Variants in SURF2 observed in about 807,000 individuals in gnomAD.
SURF2 encodes the protein surfeit 2.
Under a neutral mutation model 26.2 loss-of-function variants are expected in SURF2, and 32 were observed. The ratio of observed to expected loss-of-function variants is 1.22; its 90% CI spans 0.92 to 1.64. The LOEUF (loss-of-function observed/expected upper bound fraction) is 1.64, where lower values mean the gene tolerates loss of function less well. SURF2 is among the 40% of genes most tolerant of loss of function. SURF2 has a pLI of 0.00. For missense variants in SURF2, 415 were observed against 341.6 expected (o/e 1.21, Z -1.69); for synonymous variants, 173 against 139.1 (o/e 1.24, Z -1.71).
chr9:133,357,009 C>T lies in SURF2; in HGVS notation c.174C>T (p.Ala58=). 1.3e-6 allele frequency: 2 copies of T among 1,570,286 alleles called. No individual in the cohort carries two copies. The highest frequency in any genetic ancestry group is 1.9e-5 in the Admixed American group (1 of 52,914). The change falls in exon 2 of 6, where the codon GCC becomes GCT. Residue 58 remains alanine, a synonymous_variant. Coordinates refer to ENST00000371964, the MANE Select transcript of SURF2 (RefSeq NM_017503.5). ...AAAAGTACCAGCGGCTGGTCCGCGCCTCCCCGGCCTTCGACTATGCAGAGT... is the reference window on the plus strand; with the variant it reads ...AAAAGTACCAGCGGCTGGTCCGCGCTTCCCCGGCCTTCGACTATGCAGAGT... ...RGKKYQRLVR[A]SPAFDYAEFE...
intron 4 of SURF2, 66 bp downstream of exon 4, chr9:133,360,195 G>C: frequency 6.3e-7 from 1 of 1,593,358 alleles, no homozygotes; most frequent in African/African-American, 1.3e-5. Flanking sequence ...CTGTGGTGCT[G>C]CCTCCCCTGC....
At chr9:133,357,157 T>G in intron 2 of SURF2, 89 bp downstream of exon 2, 14 of 1,385,874 alleles carry the variant, frequency 1.0e-5, no homozygotes, top group Non-Finnish European at 1.2e-5. Context: ...CCCTACTCTT[T>G]CAGAGTTGGG....
chr9:133,357,112 A>C, intron 2 of SURF2, 44 bp downstream of exon 2: 1 of 1,489,056 alleles, frequency 6.7e-7, no homozygotes, highest in Non-Finnish European at 9.0e-7. Context: ...GGCAATTAGG[A>C]CAGCCCCTCC....
intron 2 of SURF2, 169 bp downstream of exon 2, chr9:133,357,237 G>C: frequency 1.3e-6 from 1 of 780,502 alleles, no homozygotes; most frequent in Non-Finnish European, 1.9e-6. Flanking sequence ...GCCTCTTGGT[G>C]AGCTCGTTTG....
Position 133,357,077 on chromosome 9 carries a change from T to A in SURF2, c.233+9T>A, listed in dbSNP as rs2130032679. On this transcript the variant is annotated intron_variant, in intron 2 of 5. Coordinates refer to ENST00000371964, the MANE Select transcript of SURF2 (RefSeq NM_017503.5). ...CCCAGCACCAAGAACCCGTAGGTGG[T>A]CCGCGGCGGCGCGGGGAGGCCCAGG... 36 of 1,557,182 alleles carry A rather than the reference T, an allele frequency of 2.3e-5. No individual in the cohort carries two copies. Among genetic ancestry groups the A allele is most frequent in the Non-Finnish European group, 3.0e-5 (35 of 1,150,700 alleles).
At chr9:133,357,471 C>T (rs1564352646) in intron 2 of SURF2, among the ~76,000 whole-genome samples, 1 of 152,160 alleles carries the variant, frequency 6.6e-6, no homozygotes, top group Non-Finnish European at 1.5e-5. Flanking sequence ...TGCATGAACT[C>T]ATCCTGGAGC....
In SURF2 at chr9:133,357,082, G is replaced by T; in HGVS notation, c.233+14G>T. The T allele has an allele frequency of 1.3e-6, 2 of 1,548,778 alleles. No individual in the cohort carries two copies. Among genetic ancestry groups the T allele is most frequent in the Non-Finnish European group, 1.7e-6 (2 of 1,145,726 alleles). On this transcript the variant is annotated intron_variant, in intron 2 of 5. Transcript: ENST00000371964. Reference sequence around the variant, plus strand: ...CACCAAGAACCCGTAGGTGGTCCGCGGCGGCGCGGGGAGGCCCAGGGCAAT... The same window carrying T: ...CACCAAGAACCCGTAGGTGGTCCGCTGCGGCGCGGGGAGGCCCAGGGCAAT...
chr9:133,357,640 C>A, intron 2 of SURF2, 71 bp from the exon 3 acceptor site: 2 of 1,480,150 alleles, frequency 1.4e-6, no homozygotes, highest in Non-Finnish European at 9.4e-7. Context: ...AGGGATGAGT[C>A]CAAGACACAG....
Position 133,356,649 on chromosome 9 carries a change from G to C in SURF2, c.57G>C (p.Arg19=). The change falls in exon 1 of 6, where the codon CGG becomes CGC. Residue 19 remains arginine, a synonymous_variant. Coordinates refer to ENST00000371964, the MANE Select transcript of SURF2 (RefSeq NM_017503.5). ...RAFLREHPSL[R]LQTDARKVRC... ...TTCTGCGGGAGCACCCGAGCCTGCG[G>C]CTCCAGACGGACGCCCGCAAGGTTC... is the stretch of plus-strand genomic sequence containing the variant. 6.5e-7 allele frequency: 1 copy of C among 1,526,830 alleles called. No homozygotes were observed. The highest frequency in any genetic ancestry group is 8.7e-7 in the Non-Finnish European group (1 of 1,143,646). The allele number at this position is 1,526,830 out of a possible 1,614,324, so 94.6% of individuals were successfully genotyped here. A position where few individuals can be genotyped will look rare whatever the true frequency, so the allele number is the denominator to read the frequency against.
intron 3 of SURF2, among the ~76,000 whole-genome samples, chr9:133,358,303 A>C (rs1299021699): frequency 6.6e-6 from 1 of 152,012 alleles, no homozygotes; most frequent in East Asian, 1.9e-4. Context: ...GGCCAGGAGC[A>C]CTGCAGTGGG....
At position 133,357,765 on chromosome 9, in the gene SURF2, C is replaced by CG. The variant is rs1299434000; in HGVS notation, c.289dup (p.Val97GlyfsTer16). The CG allele has an allele frequency of 6.2e-7, 1 of 1,613,794 alleles. No individual in the cohort carries two copies. The highest frequency in any genetic ancestry group is 2.2e-5 in the East Asian group (1 of 44,888). On this transcript the variant is annotated frameshift_variant, in exon 3 of 6. Coordinates refer to ENST00000371964, the MANE Select transcript of SURF2 (RefSeq NM_017503.5). LOFTEE classifies it high-confidence loss of function. The stretch of plus-strand genomic sequence containing the variant: ...GGCACATCAACAAGTGCCCAGAACA[C>CG]GTGCTGAGGCACACCCAGGGCCGGC...
rs1442917462 is a variant in SURF2 at position 133,360,058 on chromosome 9, CCTT to C, written c.449_451del (p.Phe150del). 6.2e-7 allele frequency: 1 copy of C among 1,613,888 alleles called. No homozygotes were observed. Among genetic ancestry groups the C allele is most frequent in the Non-Finnish European group, 8.5e-7 (1 of 1,179,936 alleles). On this transcript the variant is annotated inframe_deletion, in exon 4 of 6. Coordinates refer to ENST00000371964, the MANE Select transcript of SURF2 (RefSeq NM_017503.5). ...GGTGACGGGCCTCGCCCGCGGGAAGCCTTCTGGGAGCCCACATCCAGTGATGAG... is the reference window on the plus strand; with the variant it reads ...GGTGACGGGCCTCGCCCGCGGGAAGCCTGGGAGCCCACATCCAGTGATGAG...
Position 133,360,020 on chromosome 9 carries a change from G to A in SURF2, c.408G>A (p.Glu136=), listed in dbSNP as rs2130046327. ...ACLVHRRRRR[E]DQMDGDGPRP... is the part of the protein sequence containing the mutation. ...TGGTGCACCGGAGGAGGAGGAGGGA[G>A]GACCAGATGGACGGTGACGGGCCTC... is the stretch of plus-strand genomic sequence containing the variant. Residue 136 remains glutamate (E), a synonymous_variant, in exon 4 of 6, where the codon GAG becomes GAA. Transcript: ENST00000371964. The A allele has an allele frequency of 6.2e-7, 1 of 1,614,086 alleles. No homozygotes were observed. The highest frequency in any genetic ancestry group is 1.7e-5 in the Admixed American group (1 of 60,008).
chr9:133,359,914 G>A (rs2130044878), intron 3 of SURF2, 36 bp from the exon 4 acceptor site: 4 of 1,574,200 alleles, frequency 2.5e-6, no homozygotes, highest in Non-Finnish European at 3.5e-6. Context: ...CGTGGGGGGT[G>A]TGGAGGTACC....
chr9:133,359,964 A>T lies in SURF2; in HGVS notation c.352A>T (p.Lys118Ter). 6.2e-7 allele frequency: 1 copy of T among 1,611,048 alleles called. No individual in the cohort carries two copies. The highest frequency in any genetic ancestry group is 1.1e-5 in the South Asian group (1 of 90,698). Residue 118 changes from lysine (K) to a stop codon, truncating the protein, a stop_gained, in exon 4 of 6, where the codon AAG (lysine) becomes TAG (stop). Coordinates refer to ENST00000371964, the MANE Select transcript of SURF2 (RefSeq NM_017503.5). LOFTEE classifies it high-confidence loss of function. ...TTATCTCCCAGATGAAGAATGTCAGAAGCAAGGGGTGGAGTACGTGCCTGC... is the reference window on the plus strand; with the variant it reads ...TTATCTCCCAGATGAAGAATGTCAGTAGCAAGGGGTGGAGTACGTGCCTGC... ...RALCKYEECQ[K>*]QGVEYVPACL...
chr9:133,356,952 CCTGCCGG>C lies in SURF2; in HGVS notation c.118_124del (p.Leu40SerfsTer57). On this transcript the variant is annotated frameshift_variant, in exon 2 of 6. Transcript: ENST00000371964. LOFTEE classifies it high-confidence loss of function. ...TGACAGGTCACGAGCTGCCCTGCCGCCTGCCGGAGCTCCAGGTCTACACCCGCGGCAA... is the reference window on the plus strand; with the variant it reads ...TGACAGGTCACGAGCTGCCCTGCCGCAGCTCCAGGTCTACACCCGCGGCAA... 1.9e-6 allele frequency: 3 copies of C among 1,567,702 alleles called. No homozygotes were observed. Among genetic ancestry groups the C allele is most frequent in the Non-Finnish European group, 2.6e-6 (3 of 1,156,728 alleles).
Position 133,359,979 on chromosome 9 carries a change from TAC to T in SURF2, c.368_369del (p.Tyr123CysfsTer19). The T allele has an allele frequency of 6.2e-7, 1 of 1,612,190 alleles. No individual in the cohort carries two copies. The highest frequency in any genetic ancestry group is 8.5e-7 in the Non-Finnish European group (1 of 1,179,148). On this transcript the variant is annotated frameshift_variant, in exon 4 of 6. Transcript: ENST00000371964. LOFTEE classifies it high-confidence loss of function. ...YEECQKQGVEYVPACLVHRRR... is the reference protein window; with the variant it reads ...YEECQKQGVEXVPACLVHRRR... ...AGAATGTCAGAAGCAAGGGGTGGAG[TAC>T]GTGCCTGCCTGCCTGGTGCACCGGA...
At chr9:133,360,654 G>A (rs2130053633) in intron 5 of SURF2, among the ~76,000 whole-genome samples, 11 of 152,332 alleles carry the variant, frequency 7.2e-5, no homozygotes, top group East Asian at 1.9e-4. Context: ...TGTGGACCAC[G>A]GTCAAGACCA....
intron 1 of SURF2, 80 bp downstream of exon 1, chr9:133,356,750 G>A (rs1211815808): frequency 1.4e-6 from 2 of 1,398,824 alleles, no homozygotes; most frequent in Non-Finnish European, 1.9e-6. Context: ...CAGGGGAGAG[G>A]AGAGGGCAGG....
Sources: allele counts gnomAD v4.1 joint callset (sites outside exome capture counted in the v4.1 genomes callset), GRCh38; gene constraint gnomAD v4.1.1; transcripts MANE v1.5; gene names NCBI Gene and HGNC (gene_info 2026-07-23, HGNC 2026-07-21).